EPHA6: variants seen among roughly 807,000 people sequenced by gnomAD.
The protein encoded by EPHA6 is EPH receptor A6.
A neutral mutation model predicts 112.0 loss-of-function variants in EPHA6; 50 were observed. That is an observed-to-expected ratio of 0.45 (90% CI 0.36 to 0.56). The LOEUF (loss-of-function observed/expected upper bound fraction) is 0.56. Ranked by LOEUF, EPHA6 falls within the 20% of genes least tolerant of loss-of-function variation. The pLI is 0.00. For synonymous variants in EPHA6, 529 were observed against 490.7 expected, an observed-to-expected ratio of 1.08 and a Z score of -1.03; for missense variants, 1,280 against 1,417.4, an observed-to-expected ratio of 0.90 and a Z score of 1.56.
intron 15 of EPHA6, among the ~76,000 whole-genome samples, chr3:97,735,690 T>C (rs557349460): frequency 4.6e-5 from 7 of 152,122 alleles, no homozygotes; most frequent in African/African-American, 1.7e-4. Flanking sequence ...ACCTCCTCTA[T>C]ACTGGTAGCA....
chr3:97,001,325 T>C (rs2043656146), intron 3 of EPHA6, among the ~76,000 whole-genome samples: 1 of 151,882 alleles, frequency 6.6e-6, no homozygotes, highest in African/African-American at 2.4e-5. Flanking sequence ...TGTTGTCTCT[T>C]GTAAGAAAAT....
At chr3:97,090,774 C>A (rs949851869) in intron 3 of EPHA6, among the ~76,000 whole-genome samples, 1 of 151,796 alleles carries the variant, frequency 6.6e-6, no homozygotes, top group Non-Finnish European at 1.5e-5. Flanking sequence ...CATTGGCTGA[C>A]CAAAATCACC....
chr3:97,135,509 A>G (rs988533471), intron 3 of EPHA6, among the ~76,000 whole-genome samples: 2 of 152,150 alleles, frequency 1.3e-5, no homozygotes, highest in African/African-American at 4.8e-5. Context: ...GTCTACCTCA[A>G]TTTTTATTCA....
At chr3:97,329,610 GTCT>G (rs1352148282) in intron 5 of EPHA6, among the ~76,000 whole-genome samples, 1 of 152,108 alleles carries the variant, frequency 6.6e-6, no homozygotes, top group Non-Finnish European at 1.5e-5. Context: ...CTGCATAAAT[GTCT>G]TCTTCTGAGA....
intron 1 of EPHA6, among the ~76,000 whole-genome samples, chr3:96,859,009 A>G (rs2035857145): frequency 6.6e-6 from 1 of 152,164 alleles, no homozygotes; most frequent in Non-Finnish European, 1.5e-5. Flanking sequence ...GTAGCCGTTT[A>G]AATTTTATCC....
chr3:97,399,601 T>C (rs1269492783), intron 5 of EPHA6, among the ~76,000 whole-genome samples: 1 of 151,784 alleles, frequency 6.6e-6, no homozygotes, highest in Non-Finnish European at 1.5e-5. Flanking sequence ...CACTGGTTAT[T>C]TATTTTCTTT....
chr3:96,875,395 A>T (rs1031373116), intron 2 of EPHA6, among the ~76,000 whole-genome samples: 2 of 152,242 alleles, frequency 1.3e-5, no homozygotes, highest in East Asian at 3.9e-4. Context: ...GATTTGTGTC[A>T]CTTCTTTCTC....
At chr3:97,174,860 T>C (rs2076792898) in intron 3 of EPHA6, among the ~76,000 whole-genome samples, 1 of 151,988 alleles carries the variant, frequency 6.6e-6, no homozygotes, top group African/African-American at 2.4e-5. Flanking sequence ...CTATTCACTT[T>C]GTTGATTGTA....
At chr3:97,204,325 T>C (rs2077658845) in intron 3 of EPHA6, among the ~76,000 whole-genome samples, 1 of 152,116 alleles carries the variant, frequency 6.6e-6, no homozygotes, top group Non-Finnish European at 1.5e-5. Context: ...ACTTACCATG[T>C]ACTAGGGCCT....
intron 5 of EPHA6, among the ~76,000 whole-genome samples, chr3:97,298,447 C>A (rs1177495429): frequency 6.6e-6 from 1 of 152,262 alleles, no homozygotes; most frequent in Admixed American, 6.5e-5. Context: ...GTTTCTAGGA[C>A]ATGGGGACAA....
chr3:97,123,148 ATTTTTGTCAG>A (rs1176414718), intron 3 of EPHA6, among the ~76,000 whole-genome samples: 1 of 152,042 alleles, frequency 6.6e-6, no homozygotes, highest in African/African-American at 2.4e-5. Flanking sequence ...AATCTACAAT[ATTTTTGTCAG>A]TTTAAAAATG....
At chr3:97,206,365 G>T (rs945998403) in intron 3 of EPHA6, among the ~76,000 whole-genome samples, 2 of 151,950 alleles carry the variant, frequency 1.3e-5, no homozygotes. Context: ...TATAACTATG[G>T]AATTCTTTAG....
chr3:97,365,448 T>C (rs1398096777), intron 5 of EPHA6, among the ~76,000 whole-genome samples: 3 of 152,112 alleles, frequency 2.0e-5, no homozygotes, highest in African/African-American at 4.8e-5. Context: ...TGGAGTGCTA[T>C]GGCGTGATCT....
intron 3 of EPHA6, among the ~76,000 whole-genome samples, chr3:97,060,456 C>G (rs1310365804): frequency 1.3e-5 from 2 of 152,098 alleles, no homozygotes; most frequent in East Asian, 3.9e-4. Flanking sequence ...AACAACCATG[C>G]TACCTCTCTG....
At chr3:96,903,578 TAAG>T (rs2038740498) in intron 2 of EPHA6, among the ~76,000 whole-genome samples, 1 of 152,182 alleles carries the variant, frequency 6.6e-6, no homozygotes, top group African/African-American at 2.4e-5. Flanking sequence ...AAATGCTCAT[TAAG>T]AAGTTTTTAC....
intron 3 of EPHA6, among the ~76,000 whole-genome samples, chr3:97,055,442 G>C (rs757761662): frequency 6.6e-6 from 1 of 151,982 alleles, no homozygotes; most frequent in African/African-American, 2.4e-5. Flanking sequence ...GAGTAGAAAT[G>C]GTTTGTTTAT....
chr3:97,080,246 T>C (rs1424384981), intron 3 of EPHA6, among the ~76,000 whole-genome samples: 1 of 152,156 alleles, frequency 6.6e-6, no homozygotes, highest in Non-Finnish European at 1.5e-5. Flanking sequence ...TGCAAAGTAC[T>C]ATGGTACTGG....
intron 3 of EPHA6, among the ~76,000 whole-genome samples, chr3:97,104,747 A>T (rs922449483): frequency 1.3e-5 from 2 of 152,144 alleles, no homozygotes; most frequent in Non-Finnish European, 2.9e-5. Context: ...ATCAGGTAGA[A>T]TCCAGCTGTG....
intron 3 of EPHA6, among the ~76,000 whole-genome samples, chr3:97,055,865 T>C (rs2045835673): frequency 6.6e-6 from 1 of 152,160 alleles, no homozygotes; most frequent in South Asian, 2.1e-4. Context: ...AGGGCAAGCA[T>C]AGGCACTTTA....
Sources: gnomAD v4.1 joint callset for allele counts (sites outside exome capture counted in the v4.1 genomes callset) on GRCh38, gnomAD v4.1.1 for gene constraint, MANE v1.5 for transcripts, NCBI Gene and HGNC (gene_info 2026-07-23, HGNC 2026-07-21) for gene names.